Variants in PLXNA4 observed in about 807,000 individuals in gnomAD.
PLXNA4 encodes the protein plexin A4, also known as plexin-A4.
A neutral mutation model predicts 191.8 loss-of-function variants in PLXNA4; 44 were observed. That is an observed-to-expected ratio of 0.23 (90% CI 0.18 to 0.29). PLXNA4 has a LOEUF of 0.29. Ranked by LOEUF, PLXNA4 falls within the 10% of genes least tolerant of loss-of-function variation. The pLI is 1.00. For synonymous variants in PLXNA4, 1,082 were observed against 1,009.5 expected, an observed-to-expected ratio of 1.07 and a Z score of -1.36; for missense variants, 1,800 against 2,488.8, an observed-to-expected ratio of 0.72 and a Z score of 5.89.
intron 3 of PLXNA4, among the ~76,000 whole-genome samples, chr7:132,482,214 T>C (rs4731871): frequency 6.6e-6 from 1 of 152,020 alleles, no homozygotes; most frequent in South Asian, 2.1e-4. Flanking sequence ...TTCTAAGACA[T>C]AATACAGCAA....
intron 3 of PLXNA4, among the ~76,000 whole-genome samples, chr7:132,415,414 T>C (rs1476668732): frequency 2.0e-5 from 3 of 152,208 alleles, no homozygotes; most frequent in African/African-American, 7.2e-5. Flanking sequence ...TGTGTCAGTG[T>C]AGCTGCTGTT....
At chr7:132,275,897 C>T (rs1046433711) in intron 4 of PLXNA4, among the ~76,000 whole-genome samples, 22 of 152,252 alleles carry the variant, frequency 1.4e-4, no homozygotes, top group Admixed American at 3.9e-4. Context: ...ATCTTGCTTC[C>T]GAGTCTTTTC....
At chr7:132,581,687 C>G (rs376671029), upstream of PLXNA4, among the ~76,000 whole-genome samples, 109 of 152,162 alleles carry the variant, frequency 7.2e-4, 1 homozygote, top group African/African-American at 2.5e-3. Context: ...CAAGCCACAC[C>G]GGGGGGTTGG....
At chr7:132,424,475 A>G (rs984037091) in intron 3 of PLXNA4, among the ~76,000 whole-genome samples, 1 of 152,038 alleles carries the variant, frequency 6.6e-6, no homozygotes, top group African/African-American at 2.4e-5. Flanking sequence ...TTCTGTAGGG[A>G]CCAAAATCTT....
intron 3 of PLXNA4, among the ~76,000 whole-genome samples, chr7:132,467,491 A>G (rs1338694424): frequency 6.6e-6 from 1 of 152,176 alleles, no homozygotes; most frequent in Non-Finnish European, 1.5e-5. Context: ...TCTGCTCACC[A>G]ATGGTACTCA....
At chr7:132,450,793 C>G (rs567135147) in intron 3 of PLXNA4, among the ~76,000 whole-genome samples, 1 of 152,270 alleles carries the variant, frequency 6.6e-6, no homozygotes, top group East Asian at 1.9e-4. Context: ...TGGAGTATTT[C>G]TGTATGTCCA....
In PLXNA4 at chr7:132,127,988, G is replaced by T. The variant is rs1285653516; in HGVS notation, c.*2491C>A. On this transcript the variant is annotated 3_prime_UTR_variant, in exon 32 of 32. Transcript: ENST00000321063. ...GCTTGTTTGATTTTTTCTCTTAACT[G>T]TGCAAAAAAAAAAAAAAAAAATCAA... 3.5e-4 allele frequency: 17 copies of T among 48,796 alleles called. No individual in the cohort carries two copies. The highest frequency in any genetic ancestry group is 1.1e-3 in the South Asian group (1 of 884). 3.0% of individuals were successfully genotyped at this position (48,796 alleles called of 1,614,324 possible). A position where few individuals can be genotyped will look rare whatever the true frequency, so the allele number is the denominator to read the frequency against.
At chr7:132,219,977 A>G (rs1277237554) in intron 9 of PLXNA4, among the ~76,000 whole-genome samples, 1 of 152,214 alleles carries the variant, frequency 6.6e-6, no homozygotes, top group Non-Finnish European at 1.5e-5. Context: ...AGTACACCCT[A>G]TGATGTTCGC....
intron 4 of PLXNA4, among the ~76,000 whole-genome samples, chr7:132,288,759 G>A (rs1800775611): frequency 6.6e-6 from 1 of 152,184 alleles, no homozygotes; most frequent in Non-Finnish European, 1.5e-5. Context: ...CATGCCCACA[G>A]ACACAGTGCT....
intron 1 of PLXNA4, among the ~76,000 whole-genome samples, chr7:132,574,659 T>C (rs1802141873): frequency 6.6e-6 from 1 of 152,224 alleles, no homozygotes; most frequent in Non-Finnish European, 1.5e-5. Context: ...TTATTCCATC[T>C]ATGCTTTTCA....
Position 132,268,695 on chromosome 7 carries a change from TG to T in PLXNA4, c.1504-27530del, listed in dbSNP as rs369499232. ...CCCACATGACATCTCAGACTGCTGG[TG>T]CCTCCAGGAGGAGGAAGGCTGCCAG... On this transcript the variant is annotated intron_variant, in intron 4 of 31. Transcript: ENST00000321063. Among the ~76,000 whole-genome samples, 393 of 152,316 alleles carry T rather than the reference TG, an allele frequency of 2.6e-3. 1 individual carries two copies. Among genetic ancestry groups the T allele is most frequent in the African/African-American group, 9.0e-3 (374 of 41,580 alleles).
Position 132,133,092 on chromosome 7 carries a change from G to T in PLXNA4, c.5546C>A (p.Ala1849Glu). ...CACATAGGAGAAGATCTCTGAGAGT[G>T]CACTCATGGTGTTGAACTCATTCAT... ...MHMNEFNTMS[A>E]LSEIFSYVGK... is the part of the protein sequence containing the mutation. The change falls in exon 31 of 32, where the codon GCA becomes GAA. Residue 1849 changes from alanine to glutamate, a missense_variant. Transcript: ENST00000321063. 6.2e-7 allele frequency: 1 copy of T among 1,614,164 alleles called. No homozygotes were observed. Among genetic ancestry groups the T allele is most frequent in the Non-Finnish European group, 8.5e-7 (1 of 1,180,020 alleles).
chr7:132,382,611 A>G (rs908649490), intron 3 of PLXNA4, among the ~76,000 whole-genome samples: 2 of 152,214 alleles, frequency 1.3e-5, no homozygotes, highest in Non-Finnish European at 2.9e-5. Flanking sequence ...AATGGCTGCT[A>G]CATCATCAGC....
intron 3 of PLXNA4, among the ~76,000 whole-genome samples, chr7:132,371,117 C>T (rs920335424): frequency 2.0e-5 from 3 of 151,666 alleles, no homozygotes; most frequent in East Asian, 1.9e-4. Context: ...ACACATGCCC[C>T]GTGGTTGGGC....
intron 1 of PLXNA4, among the ~76,000 whole-genome samples, chr7:132,533,833 C>T (rs1313195248): frequency 6.6e-6 from 1 of 152,190 alleles, no homozygotes; most frequent in Non-Finnish European, 1.5e-5. Context: ...ACCTCATCCT[C>T]TCATCTTAGA....
intron 2 of PLXNA4, among the ~76,000 whole-genome samples, chr7:132,609,253 A>G (rs1185034047): frequency 6.6e-6 from 1 of 152,200 alleles, no homozygotes; most frequent in Non-Finnish European, 1.5e-5. Flanking sequence ...AGTGCCTGAC[A>G]TTGAGTAGGG....
chr7:132,631,974 C>A lies in PLXNA4; in HGVS notation c.-87+13954G>T, dbSNP rs145602292. Among the ~76,000 whole-genome samples the A allele has an allele frequency of 5.4e-3, 824 of 152,296 alleles. 5 individuals are homozygous for A. Among genetic ancestry groups the A allele is most frequent in the Middle Eastern group, 0.048 (14 of 294 alleles). On this transcript the variant is annotated intron_variant, in intron 2 of 4. Coordinates refer to the PLXNA4 transcript ENST00000378539. ...GGAAGATCGGGCATAGTGGCTCATG[C>A]CTGTAATCCCAGCATTTTGGGAGGC...
intron 3 of PLXNA4, among the ~76,000 whole-genome samples, chr7:132,464,702 A>G (rs908744647): frequency 1.3e-5 from 2 of 152,220 alleles, no homozygotes; most frequent in African/African-American, 4.8e-5. Context: ...TGCCAATACA[A>G]CAACCTTTAT....
chr7:132,296,023 C>A (rs1308198620), intron 4 of PLXNA4, among the ~76,000 whole-genome samples: 1 of 152,180 alleles, frequency 6.6e-6, no homozygotes, highest in Non-Finnish European at 1.5e-5. Flanking sequence ...AATGGCAACA[C>A]CTGTGGACTT....
Sources: gnomAD v4.1 joint callset for allele counts (sites outside exome capture counted in the v4.1 genomes callset) on GRCh38, gnomAD v4.1.1 for gene constraint, MANE v1.5 for transcripts, NCBI Gene and HGNC (gene_info 2026-07-23, HGNC 2026-07-21) for gene names.